GRIK2: variants seen among roughly 807,000 people sequenced by gnomAD.
The protein encoded by GRIK2 is glutamate receptor ionotropic, kainate 2.
In GRIK2, 32 loss-of-function variants were observed where a neutral mutation model predicts 100.3. The observed-to-expected ratio is 0.32, with a 90% CI of 0.24 to 0.43. The LOEUF is 0.43. Among genes scored for constraint, GRIK2 ranks in the 20% least tolerant of loss-of-function variants. The probability of loss-of-function intolerance (pLI) is 1.00; values close to 1 mark genes in which losing one functional copy is unlikely to be tolerated. For missense variants in GRIK2, 843 were observed against 1,114.9 expected (o/e 0.76, Z 3.47); for synonymous variants, 417 against 389.4 (o/e 1.07, Z -0.83).
intron 14 of GRIK2, among the ~76,000 whole-genome samples, chr6:101,981,823 G>A (rs1039944902): frequency 6.6e-6 from 1 of 151,782 alleles, no homozygotes; most frequent in African/African-American, 2.4e-5. Context: ...TAAAAAAAAA[G>A]TATATTTCAA....
In GRIK2 at chr6:101,783,946, G is replaced by T. The variant is rs191826543; in HGVS notation, c.952-15702G>T. On this transcript the variant is annotated intron_variant, in intron 7 of 16. Coordinates refer to ENST00000369134, the MANE Select transcript of GRIK2 (RefSeq NM_021956.5). The stretch of plus-strand genomic sequence containing the variant: ...AGTTATATACATTCACAAATAGATG[G>T]TTTGAAATTGGATCTTATGTTTAAA... Among the ~76,000 whole-genome samples the T allele has an allele frequency of 9.2e-5, 14 of 152,282 alleles. No homozygotes were observed. In the East Asian group the frequency reaches 2.3e-3, roughly 25 times the overall value.
At chr6:101,889,120 T>C (rs1354954518) in intron 11 of GRIK2, among the ~76,000 whole-genome samples, 1 of 152,110 alleles carries the variant, frequency 6.6e-6, no homozygotes, top group African/African-American at 2.4e-5. Context: ...TGAGAGATGT[T>C]TCAAACAATA....
intron 2 of GRIK2, among the ~76,000 whole-genome samples, chr6:101,434,686 G>T (rs1769614457): frequency 6.6e-6 from 1 of 151,866 alleles, no homozygotes; most frequent in Admixed American, 6.6e-5. Flanking sequence ...TTACACATTA[G>T]GGGGATTTTC....
intron 7 of GRIK2, among the ~76,000 whole-genome samples, chr6:101,728,618 T>G (rs928391071): frequency 4.6e-5 from 7 of 151,924 alleles, no homozygotes; most frequent in African/African-American, 1.7e-4. Context: ...GTTACTTACC[T>G]TATTGGAGCC....
intron 14 of GRIK2, among the ~76,000 whole-genome samples, chr6:102,026,596 T>C (rs1298283860): frequency 6.6e-6 from 1 of 151,296 alleles, no homozygotes; most frequent in Non-Finnish European, 1.5e-5. Flanking sequence ...TATCAAATGC[T>C]GTTTCAACTA....
chr6:101,451,754 T>C (rs2128249334), intron 2 of GRIK2, among the ~76,000 whole-genome samples: 1 of 150,760 alleles, frequency 6.6e-6, no homozygotes, highest in Non-Finnish European at 1.5e-5. Flanking sequence ...TGAAATAATA[T>C]ATTTAATGTG....
chr6:101,865,677 A>C (rs1785004920), intron 11 of GRIK2, among the ~76,000 whole-genome samples: 1 of 152,152 alleles, frequency 6.6e-6, no homozygotes, highest in African/African-American at 2.4e-5. Flanking sequence ...ACCTGAGGTT[A>C]GGAGTTCAAG....
chr6:101,798,852 A>G (rs1426337058), intron 7 of GRIK2, among the ~76,000 whole-genome samples: 2 of 152,146 alleles, frequency 1.3e-5, no homozygotes, highest in Non-Finnish European at 2.9e-5. Context: ...GTTATGACTT[A>G]TAAACATTTT....
At chr6:101,708,912 T>A (rs1562325677) in intron 7 of GRIK2, among the ~76,000 whole-genome samples, 1 of 151,802 alleles carries the variant, frequency 6.6e-6, no homozygotes. Flanking sequence ...GAAGATGTAA[T>A]CATGTCAAGA....
chr6:101,730,859 T>C (rs2128370980), intron 7 of GRIK2, among the ~76,000 whole-genome samples: 1 of 151,940 alleles, frequency 6.6e-6, no homozygotes, highest in Non-Finnish European at 1.5e-5. Flanking sequence ...AGAATAAGGA[T>C]ACAAAGTTAG....
intron 15 of GRIK2, among the ~76,000 whole-genome samples, chr6:102,054,098 A>G (rs921429433): frequency 6.6e-6 from 1 of 152,212 alleles, no homozygotes; most frequent in Non-Finnish European, 1.5e-5. Flanking sequence ...AAGGCTGTAA[A>G]AAATGTAGAG....
At chr6:101,746,827 A>G (rs1173720143) in intron 7 of GRIK2, among the ~76,000 whole-genome samples, 1 of 152,118 alleles carries the variant, frequency 6.6e-6, no homozygotes. Context: ...ACACCCATAT[A>G]TTCTTTATTG....
At chr6:101,906,048 T>C (rs777233537) in intron 12 of GRIK2, among the ~76,000 whole-genome samples, 1 of 151,724 alleles carries the variant, frequency 6.6e-6, no homozygotes, top group Non-Finnish European at 1.5e-5. Context: ...TGCGTTTAGA[T>C]ATTTTATTGT....
At chr6:101,746,478 C>T (rs746471492) in intron 7 of GRIK2, among the ~76,000 whole-genome samples, 8 of 152,098 alleles carry the variant, frequency 5.3e-5, no homozygotes, top group Non-Finnish European at 1.2e-4. Flanking sequence ...AGGCATGTTC[C>T]ACCATGCCTG....
At chr6:101,634,694 G>A (rs1780921842) in intron 4 of GRIK2, among the ~76,000 whole-genome samples, 3 of 151,736 alleles carry the variant, frequency 2.0e-5, no homozygotes, top group African/African-American at 7.3e-5. Context: ...CAGACAGAAT[G>A]TACATTCTTT....
intron 2 of GRIK2, among the ~76,000 whole-genome samples, chr6:101,596,896 C>T (rs1258948756): frequency 6.6e-6 from 1 of 151,622 alleles, no homozygotes; most frequent in Non-Finnish European, 1.5e-5. Flanking sequence ...AGGCTATATA[C>T]CCAAAGGAAA....
intron 7 of GRIK2, among the ~76,000 whole-genome samples, chr6:101,766,760 A>G (rs890328242): frequency 7.2e-5 from 11 of 152,180 alleles, no homozygotes; most frequent in Non-Finnish European, 1.6e-4. Context: ...AATTTAATTT[A>G]GGTTTGGGCC....
At chr6:101,914,528 A>G (rs947701717) in intron 12 of GRIK2, among the ~76,000 whole-genome samples, 12 of 151,584 alleles carry the variant, frequency 7.9e-5, no homozygotes, top group African/African-American at 2.4e-4. Context: ...GATAATGACT[A>G]TATTAAGAAT....
chr6:101,522,681 G>T (rs1444930313), intron 2 of GRIK2, among the ~76,000 whole-genome samples: 1 of 152,020 alleles, frequency 6.6e-6, no homozygotes, highest in Admixed American at 6.6e-5. Flanking sequence ...ACATTTTCTT[G>T]TCTTTTTTTG....
Sources: gnomAD v4.1 joint callset for allele counts (sites outside exome capture counted in the v4.1 genomes callset) on GRCh38, gnomAD v4.1.1 for gene constraint, MANE v1.5 for transcripts, NCBI Gene and HGNC (gene_info 2026-07-23, HGNC 2026-07-21) for gene names.